GNA14: variants seen among roughly 807,000 people sequenced by gnomAD.
GNA14 encodes guanine nucleotide-binding protein subunit alpha-14.
Under a neutral mutation model 42.0 loss-of-function variants are expected in GNA14, and 50 were observed. That is an observed-to-expected ratio of 1.19 (90% CI 0.95 to 1.51). GNA14 has a LOEUF of 1.51. Among genes scored for constraint, GNA14 ranks in the 40% most tolerant of loss-of-function variants. GNA14 has a pLI of 0.00. For missense variants in GNA14, 473 were observed against 446.2 expected, an observed-to-expected ratio of 1.06 and a Z score of -0.54; for synonymous variants, 173 against 163.1, an observed-to-expected ratio of 1.06 and a Z score of -0.46.
intron 2 of GNA14, among the ~76,000 whole-genome samples, chr9:77,483,076 A>T (rs1334970596): frequency 6.6e-6 from 1 of 152,198 alleles, no homozygotes; most frequent in Non-Finnish European, 1.5e-5. Context: ...TTCTCCGTGC[A>T]GCTTTGTTCC....
chr9:77,594,554 C>T (rs892404417), intron 1 of GNA14, among the ~76,000 whole-genome samples: 1 of 152,198 alleles, frequency 6.6e-6, no homozygotes, highest in African/African-American at 2.4e-5. Context: ...AGGTGACACT[C>T]GAAGCTATCA....
chr9:77,576,941 C>A (rs1466520654), intron 1 of GNA14, among the ~76,000 whole-genome samples: 2 of 152,198 alleles, frequency 1.3e-5, no homozygotes, highest in African/African-American at 4.8e-5. Context: ...CCCACCTTAT[C>A]AGCAAATAGC....
At chr9:77,617,625 C>T (rs544357378) in intron 1 of GNA14, among the ~76,000 whole-genome samples, 2 of 152,142 alleles carry the variant, frequency 1.3e-5, no homozygotes, top group Admixed American at 1.3e-4. Flanking sequence ...AATCACTTCT[C>T]CACGCCAATC....
At chr9:77,571,497 TG>T (rs1823058636) in intron 1 of GNA14, among the ~76,000 whole-genome samples, 1 of 152,306 alleles carries the variant, frequency 6.6e-6, no homozygotes, top group South Asian at 2.1e-4. Context: ...TAGTTTGGTT[TG>T]GGAAGTACTG....
chr9:77,567,585 G>A (rs1029700759), intron 1 of GNA14, among the ~76,000 whole-genome samples: 4 of 152,166 alleles, frequency 2.6e-5, no homozygotes, highest in African/African-American at 7.2e-5. Flanking sequence ...AAGATATTCC[G>A]GCTGGGTGTG....
At chr9:77,530,717 C>T (rs958018508) in intron 1 of GNA14, among the ~76,000 whole-genome samples, 2 of 152,220 alleles carry the variant, frequency 1.3e-5, no homozygotes, top group African/African-American at 4.8e-5. Flanking sequence ...CACAGTCACA[C>T]ACTGAACCTC....
chr9:77,535,539 C>T (rs1443225191), intron 1 of GNA14, among the ~76,000 whole-genome samples: 1 of 152,070 alleles, frequency 6.6e-6, no homozygotes, highest in Admixed American at 6.6e-5. Flanking sequence ...ACATGCGAGA[C>T]TCTGTCTAGG....
intron 1 of GNA14, among the ~76,000 whole-genome samples, chr9:77,572,362 C>G (rs758773304): frequency 6.6e-6 from 1 of 152,156 alleles, no homozygotes; most frequent in Non-Finnish European, 1.5e-5. Context: ...GACAAATCTT[C>G]CATTCTTCCT....
intron 1 of GNA14, among the ~76,000 whole-genome samples, chr9:77,638,303 A>G (rs533714374): frequency 3.9e-5 from 6 of 152,336 alleles, no homozygotes; most frequent in African/African-American, 1.4e-4. Flanking sequence ...GTCAACAAGT[A>G]AGCAAATAAG....
intron 2 of GNA14, among the ~76,000 whole-genome samples, chr9:77,507,401 C>T (rs914283874): frequency 6.6e-6 from 1 of 152,074 alleles, no homozygotes; most frequent in African/African-American, 2.4e-5. Flanking sequence ...GGCAGGAAAA[C>T]CTTTTAAAAA....
intron 1 of GNA14, among the ~76,000 whole-genome samples, chr9:77,545,582 T>C (rs1333242304): frequency 1.3e-5 from 2 of 152,112 alleles, no homozygotes; most frequent in African/African-American, 2.4e-5. Flanking sequence ...TACTTAAAAC[T>C]CAGTAACAGC....
chr9:77,449,133 C>G (rs1587767392), intron 2 of GNA14, among the ~76,000 whole-genome samples: 1 of 152,312 alleles, frequency 6.6e-6, no homozygotes. Flanking sequence ...CAACTGCCTA[C>G]AGTGTTCAGT....
At chr9:77,595,955 G>A (rs376277770) in intron 1 of GNA14, among the ~76,000 whole-genome samples, 1 of 152,004 alleles carries the variant, frequency 6.6e-6, no homozygotes, top group South Asian at 2.1e-4. Context: ...TGTCTCCCAG[G>A]ATAAGGAGAA....
intron 2 of GNA14, among the ~76,000 whole-genome samples, chr9:77,519,385 T>G (rs11145454): frequency 0.14 from 21,779 of 151,944 alleles, 1,796 homozygotes; most frequent in South Asian, 0.32. Flanking sequence ...CACTCCAGCC[T>G]GGGTGACACG....
intron 1 of GNA14, among the ~76,000 whole-genome samples, chr9:77,619,358 C>T (rs1402668625): frequency 2.0e-5 from 3 of 152,162 alleles, no homozygotes; most frequent in Admixed American, 2.0e-4. Flanking sequence ...AGGCGCGTGT[C>T]ATCCAGCTAA....
At chr9:77,529,349 A>T in intron 1 of GNA14, 96 bp from the exon 2 acceptor site, 1 of 925,920 alleles carries the variant, frequency 1.1e-6, no homozygotes, top group East Asian at 2.4e-5. Flanking sequence ...TCCACATCCC[A>T]ATTAATAGGC....
chr9:77,551,040 C>T (rs552651589), intron 1 of GNA14, among the ~76,000 whole-genome samples: 3 of 152,260 alleles, frequency 2.0e-5, no homozygotes, highest in South Asian at 4.1e-4. Context: ...TTCCCCTACC[C>T]CTGCCCTCAA....
At chr9:77,636,761 C>G (rs559756901) in intron 1 of GNA14, among the ~76,000 whole-genome samples, 19 of 152,256 alleles carry the variant, frequency 1.2e-4, no homozygotes, top group African/African-American at 3.1e-4. Flanking sequence ...GGATCTGACC[C>G]GACGACCTAA....
At chr9:77,610,908 G>C (rs1483829281) in intron 1 of GNA14, among the ~76,000 whole-genome samples, 1 of 152,116 alleles carries the variant, frequency 6.6e-6, no homozygotes, top group Non-Finnish European at 1.5e-5. Flanking sequence ...GGGGACTCTG[G>C]TTTCACTCCT....
Sources: gnomAD v4.1 joint callset for allele counts (sites outside exome capture counted in the v4.1 genomes callset) on GRCh38, gnomAD v4.1.1 for gene constraint, MANE v1.5 for transcripts, NCBI Gene and HGNC (gene_info 2026-07-23, HGNC 2026-07-21) for gene names.